The following FHIT variants were observed in gnomAD, a reference collection of about 807,000 sequenced individuals.
FHIT encodes the protein fragile histidine triad diadenosine triphosphatase.
FHIT carries 19 observed loss-of-function variants against 17.9 expected under a neutral mutation model. That is an observed-to-expected ratio of 1.06 (90% CI 0.74 to 1.56). The LOEUF (loss-of-function observed/expected upper bound fraction) is 1.56. Ranked by LOEUF, FHIT falls within the 40% of genes most tolerant of loss-of-function variation. The pLI, the probability that FHIT is intolerant of heterozygous loss-of-function variation, is 0.00. For missense variants in FHIT, 248 were observed against 189.2 expected (o/e 1.31, Z -1.82); for synonymous variants, 81 against 69.7 (o/e 1.16, Z -0.81).
intron 5 of FHIT, among the ~76,000 whole-genome samples, chr3:60,467,998 C>A (rs899977571): frequency 1.5e-4 from 23 of 152,130 alleles, no homozygotes; most frequent in African/African-American, 5.5e-4. Flanking sequence ...TATATATTTA[C>A]AATTGTTATA....
At chr3:60,202,059 T>A (rs1702938549) in intron 5 of FHIT, among the ~76,000 whole-genome samples, 1 of 152,160 alleles carries the variant, frequency 6.6e-6, no homozygotes, top group African/African-American at 2.4e-5. Flanking sequence ...TGTAGACTGT[T>A]TTGACTTTTT....
intron 4 of FHIT, among the ~76,000 whole-genome samples, chr3:60,782,830 C>A (rs1169776468): frequency 3.3e-5 from 5 of 152,258 alleles, no homozygotes; most frequent in Admixed American, 2.6e-4. Flanking sequence ...TGTATCCTCA[C>A]GTGGACGAAG....
At chr3:59,849,588 G>T (rs1005340417) in intron 8 of FHIT, among the ~76,000 whole-genome samples, 1 of 152,108 alleles carries the variant, frequency 6.6e-6, no homozygotes, top group Non-Finnish European at 1.5e-5. Flanking sequence ...ATGAAATCTG[G>T]ATGCTAGGAA....
At chr3:61,189,311 C>A (rs1392109843) in intron 2 of FHIT, among the ~76,000 whole-genome samples, 1 of 152,146 alleles carries the variant, frequency 6.6e-6, no homozygotes, top group Admixed American at 6.5e-5. Flanking sequence ...AGAGCCAAAT[C>A]ATGAGTGAAC....
intron 3 of FHIT, among the ~76,000 whole-genome samples, chr3:60,852,750 T>A (rs376915183): frequency 3.9e-5 from 6 of 152,158 alleles, no homozygotes; most frequent in East Asian, 3.9e-4. Flanking sequence ...TCCTCTGTAA[T>A]CTCAGTACTT....
At chr3:59,948,952 G>A (rs1706976764) in intron 7 of FHIT, among the ~76,000 whole-genome samples, 1 of 151,968 alleles carries the variant, frequency 6.6e-6, no homozygotes, top group South Asian at 2.1e-4. Context: ...TAACTACTGT[G>A]TGAAGCTGAG....
At chr3:59,831,401 T>C (rs1031227648) in intron 8 of FHIT, among the ~76,000 whole-genome samples, 13 of 152,112 alleles carry the variant, frequency 8.5e-5, no homozygotes, top group African/African-American at 3.1e-4. Context: ...ATTGAGACTA[T>C]TATCTCCTTT....
intron 5 of FHIT, among the ~76,000 whole-genome samples, chr3:60,337,343 G>A (rs917362468): frequency 8.6e-5 from 13 of 151,894 alleles, no homozygotes; most frequent in African/African-American, 2.4e-4. Flanking sequence ...TGAAAAACTC[G>A]GTTTCGTGGC....
chr3:59,765,829 C>T (rs908594458), intron 8 of FHIT, among the ~76,000 whole-genome samples: 3 of 152,154 alleles, frequency 2.0e-5, no homozygotes, highest in Admixed American at 6.5e-5. Context: ...TAATGACCAA[C>T]ATCCCACCAG....
chr3:59,950,413 A>T (rs1430161037), intron 7 of FHIT, among the ~76,000 whole-genome samples: 1 of 152,136 alleles, frequency 6.6e-6, no homozygotes, highest in Non-Finnish European at 1.5e-5. Flanking sequence ...TATCAGGCAC[A>T]TGCCAGCCTT....
chr3:60,186,982 G>A (rs1275634386), intron 5 of FHIT, among the ~76,000 whole-genome samples: 1 of 152,096 alleles, frequency 6.6e-6, no homozygotes, highest in Non-Finnish European at 1.5e-5. Flanking sequence ...TATTTTACCA[G>A]TTCATGCCCG....
At chr3:60,793,308 C>CT (rs201439790) in intron 4 of FHIT, among the ~76,000 whole-genome samples, 1,499 of 146,806 alleles carry the variant, frequency 0.01, 17 homozygotes, top group East Asian at 0.056. Context: ...TTTTCTTTTT[C>CT]TTTTTTTTTT....
At chr3:61,217,523 T>A (rs1024762981) in intron 1 of FHIT, among the ~76,000 whole-genome samples, 3 of 152,228 alleles carry the variant, frequency 2.0e-5, no homozygotes, top group African/African-American at 7.2e-5. Context: ...GTATTTTTTA[T>A]GACCTAGGCT....
chr3:60,357,079 C>A (rs1384166645), intron 5 of FHIT, among the ~76,000 whole-genome samples: 1 of 152,132 alleles, frequency 6.6e-6, no homozygotes, highest in Non-Finnish European at 1.5e-5. Flanking sequence ...TCCTTGAGAT[C>A]TTCTGGTCCA....
At chr3:60,722,074 G>T (rs2041820238) in intron 4 of FHIT, among the ~76,000 whole-genome samples, 1 of 152,142 alleles carries the variant, frequency 6.6e-6, no homozygotes. Flanking sequence ...AAATACGAAA[G>T]GCTCAGAGAT....
chr3:60,166,459 G>A lies in FHIT; in HGVS notation c.104-152307C>T, dbSNP rs561164857. Among the ~76,000 whole-genome samples, 11 of 152,096 alleles carry A rather than the reference G, an allele frequency of 7.2e-5. 1 individual carries two copies. The highest frequency in any genetic ancestry group is 2.9e-5 in the Non-Finnish European group (2 of 68,018). On this transcript the variant is annotated intron_variant, in intron 5 of 9. Coordinates refer to ENST00000492590, the MANE Select transcript of FHIT (RefSeq NM_002012.4). ...TAAACATACATCCAATATGTGTTAAGTGCTCAGAACATGTCAAGCAGTGTG... is the reference window on the plus strand; with the variant it reads ...TAAACATACATCCAATATGTGTTAAATGCTCAGAACATGTCAAGCAGTGTG...
At chr3:61,243,090 T>A (rs1327086886) in intron 1 of FHIT, among the ~76,000 whole-genome samples, 1 of 152,222 alleles carries the variant, frequency 6.6e-6, no homozygotes, top group African/African-American at 2.4e-5. Flanking sequence ...AAAGTTAGTC[T>A]GGCCTACGCA....
chr3:60,738,094 G>A (rs1166240952), intron 4 of FHIT, among the ~76,000 whole-genome samples: 4 of 152,158 alleles, frequency 2.6e-5, no homozygotes, highest in Admixed American at 2.6e-4. Context: ...TAATCAGAAG[G>A]CAGCAAGGAA....
intron 5 of FHIT, among the ~76,000 whole-genome samples, chr3:60,068,486 G>A (rs1346937808): frequency 6.6e-6 from 1 of 152,152 alleles, no homozygotes; most frequent in Non-Finnish European, 1.5e-5. Context: ...GGCTGTGTGG[G>A]TTGTGCACTG....
Sources: allele counts gnomAD v4.1 joint callset (sites outside exome capture counted in the v4.1 genomes callset), GRCh38; gene constraint gnomAD v4.1.1; transcripts MANE v1.5; gene names NCBI Gene and HGNC (gene_info 2026-07-23, HGNC 2026-07-21).